Variants in SORCS3 observed in about 807,000 individuals in gnomAD.
SORCS3 encodes VPS10 domain-containing receptor SorCS3.
A neutral mutation model predicts 146.3 loss-of-function variants in SORCS3; 57 were observed. That is an observed-to-expected ratio of 0.39 (90% CI 0.31 to 0.49). The LOEUF is 0.49. Ranked by LOEUF, SORCS3 falls within the 20% of genes least tolerant of loss-of-function variation. SORCS3 has a pLI of 0.92. For missense variants in SORCS3, 1,341 were observed against 1,575.5 expected (o/e 0.85, Z 2.52); for synonymous variants, 653 against 618.5 (o/e 1.06, Z -0.83).
chr10:105,105,438 A>T lies in SORCS3; in HGVS notation c.1135A>T (p.Thr379Ser). The T allele has an allele frequency of 6.2e-7, 1 of 1,613,748 alleles. No homozygotes were observed. The highest frequency in any genetic ancestry group is 8.5e-7 in the Non-Finnish European group (1 of 1,179,738). The change falls in exon 7 of 27, where the codon ACA (threonine) becomes TCA (serine). Residue 379 changes from threonine to serine, a missense_variant. By Grantham distance (58) the Thr-to-Ser change is moderately conservative. Coordinates refer to ENST00000369701, the MANE Select transcript of SORCS3 (RefSeq NM_014978.3). ...CTGCAGGATCCAGGAATGTGCCGAG[A>T]CAACTAGAAGTGGGCCTTTTGCCCG... ...LTCRIQECAE[T>S]TRSGPFARSI...
intron 1 of SORCS3, among the ~76,000 whole-genome samples, chr10:104,751,152 C>T (rs1036619225): frequency 5.3e-5 from 8 of 152,006 alleles, no homozygotes; most frequent in Admixed American, 3.3e-4. Flanking sequence ...TTGTTTAATG[C>T]AGTATGAGAT....
rs1371297959 is a variant in SORCS3 at position 105,163,879 on chromosome 10, CACAT to C, written c.1733-420_1733-417del. ...ACATACACACAGACACACAGTTACGCACATACACACACACACACACACACACACA... is the reference window on the plus strand; with the variant it reads ...ACATACACACAGACACACAGTTACGCACACACACACACACACACACACACA... On this transcript the variant is annotated intron_variant, in intron 11 of 26. Coordinates refer to ENST00000369701, the MANE Select transcript of SORCS3 (RefSeq NM_014978.3). Among the ~76,000 whole-genome samples the C allele has an allele frequency of 1.2e-3, 134 of 114,110 alleles. 2 individuals are homozygous for C. The highest frequency in any genetic ancestry group is 5.5e-3 in the African/African-American group (124 of 22,746). The allele number at this position is 114,110 out of a possible 152,430, so 74.9% of individuals were successfully genotyped here. A position where few individuals can be genotyped will look rare whatever the true frequency, so the allele number is the denominator to read the frequency against.
intron 9 of SORCS3, among the ~76,000 whole-genome samples, chr10:105,149,493 T>C (rs1413356411): frequency 2.0e-5 from 3 of 152,170 alleles, no homozygotes; most frequent in African/African-American, 7.2e-5. Flanking sequence ...GAAGCTTACA[T>C]TTCTATGCCT....
intron 11 of SORCS3, among the ~76,000 whole-genome samples, chr10:105,161,948 A>G (rs945458752): frequency 1.3e-5 from 2 of 151,858 alleles, no homozygotes; most frequent in Admixed American, 6.6e-5. Flanking sequence ...ACTTCCTGTA[A>G]ACTCTGAATG....
intron 4 of SORCS3, among the ~76,000 whole-genome samples, chr10:105,022,199 G>A (rs972757477): frequency 6.6e-6 from 1 of 151,986 alleles, no homozygotes; most frequent in African/African-American, 2.4e-5. Context: ...TAGACTTTTA[G>A]TTAGTAATGT....
chr10:105,211,056 C>T, intron 16 of SORCS3, 81 bp from the exon 17 acceptor site: 1 of 863,816 alleles, frequency 1.2e-6, no homozygotes, highest in Admixed American at 1.8e-5. Flanking sequence ...GCAATAGGGA[C>T]ATGTATATGT....
intron 25 of SORCS3, among the ~76,000 whole-genome samples, chr10:105,261,577 C>G (rs943980509): frequency 1.3e-5 from 2 of 152,092 alleles, no homozygotes; most frequent in Non-Finnish European, 2.9e-5. Context: ...AAGGAGTCTC[C>G]CGAGGCTGGA....
intron 1 of SORCS3, among the ~76,000 whole-genome samples, chr10:104,744,869 G>A (rs951938304): frequency 1.3e-5 from 2 of 152,170 alleles, no homozygotes; most frequent in South Asian, 2.1e-4. Flanking sequence ...TATGAGTGGT[G>A]TATTAAAAGT....
chr10:105,067,170 A>G (rs2133722971), intron 5 of SORCS3, among the ~76,000 whole-genome samples: 1 of 152,320 alleles, frequency 6.6e-6, no homozygotes, highest in East Asian at 1.9e-4. Flanking sequence ...TCCACTGTGC[A>G]TCTATATTTC....
intron 14 of SORCS3, among the ~76,000 whole-genome samples, chr10:105,195,955 A>G (rs1011274975): frequency 1.3e-5 from 2 of 152,226 alleles, no homozygotes; most frequent in African/African-American, 4.8e-5. Flanking sequence ...GTATGGGGAA[A>G]GACCTGGGAA....
intron 1 of SORCS3, among the ~76,000 whole-genome samples, chr10:104,761,264 G>T (rs763918496): frequency 2.0e-5 from 3 of 152,120 alleles, no homozygotes; most frequent in African/African-American, 7.2e-5. Context: ...CATTTTAATG[G>T]GTGTTCAGGG....
At chr10:104,695,364 G>A (rs1320239495) in intron 1 of SORCS3, among the ~76,000 whole-genome samples, 1 of 151,488 alleles carries the variant, frequency 6.6e-6, no homozygotes, top group Non-Finnish European at 1.5e-5. Flanking sequence ...AAACTTAGTC[G>A]ATGGTTACCA....
At chr10:104,850,430 A>C (rs1366915294) in intron 2 of SORCS3, among the ~76,000 whole-genome samples, 1 of 152,174 alleles carries the variant, frequency 6.6e-6, no homozygotes, top group Admixed American at 6.5e-5. Flanking sequence ...AAAAAATGTT[A>C]AAAAATTAGC....
intron 3 of SORCS3, among the ~76,000 whole-genome samples, chr10:104,963,983 A>G (rs932614334): frequency 1.3e-5 from 2 of 152,008 alleles, no homozygotes; most frequent in Non-Finnish European, 2.9e-5. Context: ...ACACCCAGAA[A>G]CTGACCACCT....
intron 1 of SORCS3, among the ~76,000 whole-genome samples, chr10:104,806,672 GAATAT>G (rs2017682730): frequency 6.6e-6 from 1 of 152,146 alleles, no homozygotes; most frequent in Non-Finnish European, 1.5e-5. Context: ...GGAAAAATGA[GAATAT>G]ATTAATAGGT....
At chr10:105,201,703 T>C (rs1283528025) in intron 16 of SORCS3, among the ~76,000 whole-genome samples, 3 of 152,168 alleles carry the variant, frequency 2.0e-5, no homozygotes, top group Non-Finnish European at 4.4e-5. Flanking sequence ...TCTCACTTAA[T>C]GAAATTCAAA....
intron 4 of SORCS3, among the ~76,000 whole-genome samples, chr10:104,981,761 C>T (rs1021765795): frequency 1.3e-5 from 2 of 152,174 alleles, no homozygotes; most frequent in African/African-American, 2.4e-5. Context: ...TACATCCTGG[C>T]ACAGGGGGCC....
At chr10:104,762,265 A>G (rs1039448657) in intron 1 of SORCS3, among the ~76,000 whole-genome samples, 6 of 152,148 alleles carry the variant, frequency 3.9e-5, no homozygotes, top group African/African-American at 7.2e-5. Flanking sequence ...GTGCTGGTCA[A>G]TGTTCTCTAG....
intron 1 of SORCS3, among the ~76,000 whole-genome samples, chr10:104,691,080 A>C (rs1029933048): frequency 2.0e-5 from 3 of 152,238 alleles, no homozygotes; most frequent in African/African-American, 7.2e-5. Context: ...CTTGTCCTGC[A>C]GTGCTGTTGC....
Sources: gnomAD v4.1 joint callset for allele counts (sites outside exome capture counted in the v4.1 genomes callset) on GRCh38, gnomAD v4.1.1 for gene constraint, MANE v1.5 for transcripts, NCBI Gene and HGNC (gene_info 2026-07-23, HGNC 2026-07-21) for gene names.